MMRN1: variants seen among roughly 807,000 people sequenced by gnomAD.
MMRN1 encodes the protein multimerin 1, also known as multimerin-1.
A neutral mutation model predicts 100.7 loss-of-function variants in MMRN1; 94 were observed. The observed-to-expected ratio is 0.93, with a 90% CI of 0.79 to 1.11. The LOEUF is 1.11. Ranked by LOEUF, MMRN1 falls within the 50% of genes least tolerant of loss-of-function variation. The pLI, the probability that MMRN1 is intolerant of heterozygous loss-of-function variation, is 0.00. For missense variants in MMRN1, 1,606 were observed against 1,439.1 expected, an observed-to-expected ratio of 1.12 and a Z score of -1.88; for synonymous variants, 575 against 505.0, an observed-to-expected ratio of 1.14 and a Z score of -1.86.
chr4:89,916,794 G>A (rs978404390), intron 3 of MMRN1, among the ~76,000 whole-genome samples: 2 of 150,374 alleles, frequency 1.3e-5, no homozygotes. Flanking sequence ...ATTATCTCCC[G>A]CATATCACTG....
At chr4:89,928,731 G>C (rs144017988) in intron 5 of MMRN1, among the ~76,000 whole-genome samples, 2 of 152,242 alleles carry the variant, frequency 1.3e-5, no homozygotes, top group East Asian at 3.9e-4. Flanking sequence ...CAGCTACATT[G>C]TGTTGAGTTC....
chr4:89,911,004 C>G (rs541446025), intron 2 of MMRN1, among the ~76,000 whole-genome samples: 12 of 151,384 alleles, frequency 7.9e-5, no homozygotes, highest in African/African-American at 2.9e-4. Context: ...ACAGCTCTAC[C>G]CCTTTTAGAT....
intron 4 of MMRN1, among the ~76,000 whole-genome samples, chr4:89,923,879 T>C (rs879612908): frequency 6.6e-6 from 1 of 152,194 alleles, no homozygotes; most frequent in African/African-American, 2.4e-5. Context: ...GATCTAGTCA[T>C]ACAAAACAAG....
In MMRN1 at chr4:89,953,223, T is replaced by G. The variant is rs180820161; in HGVS notation, c.3492T>G (p.Val1164=). The change falls in exon 8 of 8, where the codon GTT becomes GTG. Residue 1164 remains valine (V), a synonymous_variant. Coordinates refer to ENST00000264790, the MANE Select transcript of MMRN1 (RefSeq NM_007351.3). Reference sequence around the variant, plus strand: ...CTCATATTTCTGGATTTTTAGTGGTTGATGGAATAGACAAGCTTGCATTTG... The same window carrying G: ...CTCATATTTCTGGATTTTTAGTGGTGGATGGAATAGACAAGCTTGCATTTG... ...FSAHISGFLV[V]DGIDKLAFES... is the part of the protein sequence containing the mutation. The G allele has an allele frequency of 6.2e-7, 1 of 1,613,864 alleles. No homozygotes were observed. The highest frequency in any genetic ancestry group is 2.2e-5 in the East Asian group (1 of 44,850).
intron 6 of MMRN1, among the ~76,000 whole-genome samples, chr4:89,947,352 C>T (rs1560599963): frequency 1.3e-5 from 2 of 152,130 alleles, no homozygotes; most frequent in Non-Finnish European, 2.9e-5. Context: ...AGCATAGTGT[C>T]AAACTCTGTG....
At chr4:89,907,426 G>C (rs150872159) in intron 1 of MMRN1, among the ~76,000 whole-genome samples, 125 of 151,444 alleles carry the variant, frequency 8.3e-4, no homozygotes, top group Non-Finnish European at 1.4e-3. Context: ...TTTATGTGTT[G>C]TTTTCTGGAA....
chr4:89,940,164 T>G (rs1375620238), intron 6 of MMRN1, among the ~76,000 whole-genome samples: 1 of 152,184 alleles, frequency 6.6e-6, no homozygotes, highest in Non-Finnish European at 1.5e-5. Context: ...TGTACAGCAA[T>G]TGGCAGACTT....
chr4:89,907,393 C>A (rs1432688587), intron 1 of MMRN1, among the ~76,000 whole-genome samples: 1 of 151,418 alleles, frequency 6.6e-6, no homozygotes, highest in Non-Finnish European at 1.5e-5. Context: ...TTAAATCAAG[C>A]AATTAACATA....
chr4:89,913,266 A>G (rs1377578329), intron 3 of MMRN1, among the ~76,000 whole-genome samples: 1 of 151,328 alleles, frequency 6.6e-6, no homozygotes, highest in Non-Finnish European at 1.5e-5. Context: ...TTCTTCTACA[A>G]AGAAGGATAT....
upstream of MMRN1, among the ~76,000 whole-genome samples, chr4:89,892,992 A>AT (rs1352134854): frequency 1.3e-5 from 2 of 152,022 alleles, no homozygotes; most frequent in Admixed American, 6.6e-5. Flanking sequence ...AAATAGGAAC[A>AT]TTTTTCCTAA....
chr4:89,936,889 T>C, intron 6 of MMRN1, 91 bp downstream of exon 6: 1 of 1,162,600 alleles, frequency 8.6e-7, no homozygotes, highest in Non-Finnish European at 1.2e-6. Context: ...CCATTAAACA[T>C]AAAACTACAT....
At chr4:89,942,732 A>G (rs965382767) in intron 6 of MMRN1, among the ~76,000 whole-genome samples, 1 of 152,144 alleles carries the variant, frequency 6.6e-6, no homozygotes, top group African/African-American at 2.4e-5. Flanking sequence ...AAGTGTCTTT[A>G]CCCTAAAATC....
At chr4:89,932,389 A>C (rs1722469233) in intron 5 of MMRN1, among the ~76,000 whole-genome samples, 1 of 152,226 alleles carries the variant, frequency 6.6e-6, no homozygotes, top group African/African-American at 2.4e-5. Flanking sequence ...GCTGTCAGTG[A>C]ATCTACCATT....
chr4:89,887,807 C>T (rs1578458808), intron 1 of MMRN1, among the ~76,000 whole-genome samples: 1 of 152,000 alleles, frequency 6.6e-6, no homozygotes, highest in Admixed American at 6.6e-5. Context: ...TTGTGTTCCT[C>T]TGTCTTGAAT....
chr4:89,947,225 T>C (rs1380332063), intron 6 of MMRN1, among the ~76,000 whole-genome samples: 1 of 152,144 alleles, frequency 6.6e-6, no homozygotes, highest in Admixed American at 6.5e-5. Context: ...GAGGTTGCAG[T>C]GAGCCAAGAT....
rs139988729 is a variant in MMRN1 at position 89,901,847 on chromosome 4, G to A, written c.623+6253G>A. ...GTGCTTATATATTCCTAATAATTAA[G>A]TGGGAACTTTTTGTATTCGCACAAC... On this transcript the variant is annotated intron_variant, in intron 1 of 7. Transcript: ENST00000264790. The A allele has an allele frequency of 2.6e-5, 4 of 152,012 alleles. No homozygotes were observed. The East Asian group carries it at 5.8e-4, about 22-fold the overall frequency. The allele number at this position is 152,012 out of a possible 1,614,324, so 9.4% of individuals were successfully genotyped here. A position where few individuals can be genotyped will look rare whatever the true frequency, so the allele number is the denominator to read the frequency against.
Position 89,909,333 on chromosome 4 carries a change from G to T in MMRN1, c.681G>T (p.Gln227His). Reference protein sequence around the residue: ...RLSPTVILDNQVTYVPGGKGP... With the variant: ...RLSPTVILDNHVTYVPGGKGP... ...CTCCCACAGTGATATTGGACAACCA[G>T]GTCACTTATGTCCCAGGTGGGAAAG... is the stretch of plus-strand genomic sequence containing the variant. Residue 227 changes from glutamine to histidine, a missense_variant, in exon 2 of 8, where the codon CAG (glutamine) becomes CAT (histidine). Transcript: ENST00000264790. 6.2e-7 allele frequency: 1 copy of T among 1,609,916 alleles called. No individual in the cohort carries two copies. The highest frequency in any genetic ancestry group is 1.7e-4 in the Middle Eastern group (1 of 6,028).
intron 1 of MMRN1, among the ~76,000 whole-genome samples, chr4:89,886,425 A>G (rs1578458060): frequency 6.6e-6 from 1 of 152,052 alleles, no homozygotes; most frequent in East Asian, 1.9e-4. Context: ...TATGATTTTT[A>G]TGCTTTGAAA....
At chr4:89,887,002 C>G (rs1720951466) in intron 1 of MMRN1, among the ~76,000 whole-genome samples, 1 of 152,004 alleles carries the variant, frequency 6.6e-6, no homozygotes. Flanking sequence ...TTTCTTTATC[C>G]CCTGCTCATC....
Sources: allele counts gnomAD v4.1 joint callset (sites outside exome capture counted in the v4.1 genomes callset), GRCh38; gene constraint gnomAD v4.1.1; transcripts MANE v1.5; gene names NCBI Gene and HGNC (gene_info 2026-07-23, HGNC 2026-07-21).